Variants in DCTPP1 observed in about 807,000 individuals in gnomAD.
DCTPP1 encodes the protein XTP3-transactivated gene A protein.
In DCTPP1, 8 loss-of-function variants were observed where a neutral mutation model predicts 8.8. The ratio of observed to expected loss-of-function variants is 0.91; its 90% CI spans 0.54 to 1.64. The LOEUF (loss-of-function observed/expected upper bound fraction) is 1.64, where lower values mean the gene tolerates loss of function less well. Among genes scored for constraint, DCTPP1 ranks in the 40% most tolerant of loss-of-function variants. The pLI is 0.00. For synonymous variants in DCTPP1, 85 were observed against 92.1 expected, an observed-to-expected ratio of 0.92 and a Z score of 0.44; for missense variants, 231 against 230.4, an observed-to-expected ratio of 1.00 and a Z score of -0.02.
chr16:30,428,686 A>C (rs550015796), intron 2 of DCTPP1, among the ~76,000 whole-genome samples: 96 of 152,270 alleles, frequency 6.3e-4, no homozygotes, highest in African/African-American at 1.9e-3. Context: ...AGAACTGCTT[A>C]AACCCAGGAG....
At chr16:30,429,455 C>T (rs958952589) in intron 1 of DCTPP1, 1 of 417,040 alleles carries the variant, frequency 2.4e-6, no homozygotes, top group Non-Finnish European at 4.3e-6. Context: ...CACCTGGAAT[C>T]GCCGCACATC....
rs2050178540 is a variant in DCTPP1, at chr16:30,424,140, T to C, written c.*93A>G. 6.9e-7 allele frequency: 1 copy of C among 1,449,638 alleles called. No individual in the cohort carries two copies. Among genetic ancestry groups the C allele is most frequent in the Non-Finnish European group, 9.2e-7 (1 of 1,085,276 alleles). 89.8% of individuals were successfully genotyped at this position (1,449,638 alleles called of 1,614,324 possible). ...AGAAGTGGAGGCCTCAGGCCCATGATCTATTCTGAAAAGACTAGAAAAAGG... is the reference window on the plus strand; with the variant it reads ...AGAAGTGGAGGCCTCAGGCCCATGACCTATTCTGAAAAGACTAGAAAAAGG... On this transcript the variant is annotated 3_prime_UTR_variant, in exon 3 of 3. Coordinates refer to ENST00000319285, the MANE Select transcript of DCTPP1 (RefSeq NM_024096.2).
At chr16:30,426,463 C>T (rs2050193420) in intron 2 of DCTPP1, among the ~76,000 whole-genome samples, 1 of 143,430 alleles carries the variant, frequency 7.0e-6, no homozygotes, top group Non-Finnish European at 1.5e-5. Context: ...GTGTGAGCCA[C>T]AGCACCTGGC....
At chr16:30,428,391 C>G (rs1404965931) in intron 2 of DCTPP1, among the ~76,000 whole-genome samples, 1 of 152,228 alleles carries the variant, frequency 6.6e-6, no homozygotes, top group Non-Finnish European at 1.5e-5. Flanking sequence ...TGCCTCACTG[C>G]CCCTGCAAAT....
chr16:30,427,212 G>A (rs369446734), intron 2 of DCTPP1, among the ~76,000 whole-genome samples: 56 of 147,104 alleles, frequency 3.8e-4, no homozygotes, highest in African/African-American at 1.2e-3. Context: ...GGGTTTCACC[G>A]TGTTAGCCAG....
chr16:30,425,790 C>T (rs1441390773), intron 2 of DCTPP1, among the ~76,000 whole-genome samples: 1 of 152,216 alleles, frequency 6.6e-6, no homozygotes, highest in African/African-American at 2.4e-5. Context: ...ACACTCCAGC[C>T]TTGGTAACAG....
chr16:30,426,357 A>C (rs2050192798), intron 2 of DCTPP1, among the ~76,000 whole-genome samples: 1 of 149,612 alleles, frequency 6.7e-6, no homozygotes, highest in Non-Finnish European at 1.5e-5. Flanking sequence ...TTGTATTTTT[A>C]GTAGAGATGG....
At chr16:30,427,646 T>C (rs1451282245) in intron 2 of DCTPP1, among the ~76,000 whole-genome samples, 1 of 152,214 alleles carries the variant, frequency 6.6e-6, no homozygotes, top group Non-Finnish European at 1.5e-5. Flanking sequence ...CTTTCTGCCT[T>C]GTTCCAGGCC....
intron 2 of DCTPP1, 43 bp from the exon 3 acceptor site, chr16:30,424,576 G>A (rs1216711038): frequency 1.9e-6 from 3 of 1,592,324 alleles, no homozygotes; most frequent in African/African-American, 2.7e-5. Flanking sequence ...GATGTAACCT[G>A]GGGCAATGGG....
chr16:30,427,432 C>A (rs559882084), intron 2 of DCTPP1, among the ~76,000 whole-genome samples: 4 of 151,844 alleles, frequency 2.6e-5, no homozygotes, highest in African/African-American at 9.7e-5. Context: ...TGTGCCTCAG[C>A]CTCCTGAGTA....
At chr16:30,425,371 C>G (rs2050187427) in intron 2 of DCTPP1, among the ~76,000 whole-genome samples, 1 of 151,950 alleles carries the variant, frequency 6.6e-6, no homozygotes, top group Admixed American at 6.6e-5. Context: ...CACCTATAAT[C>G]CCAGGTACTC....
In DCTPP1 at chr16:30,428,769, A is replaced by G. The variant is rs1597038730; in HGVS notation, c.212+288T>C. ...GCGACAGAGCGAGACCCCGTCTCAA[A>G]AAAAAGCCAAAAAAACAAAAAACAA... On this transcript the variant is annotated intron_variant, in intron 2 of 2. Transcript: ENST00000319285. 7.2e-6 allele frequency: 3 copies of G among 418,042 alleles called. No homozygotes were observed. In the East Asian group the frequency reaches 1.1e-4, roughly 15 times the overall value. The allele number at this position is 418,042 out of a possible 1,614,324, so 25.9% of individuals were successfully genotyped here.
rs1165933243 is a variant in DCTPP1, at chr16:30,429,901, G to C, written c.80C>G (p.Pro27Arg). ...TTACATGTCCTCGAGCGTGGGCTCC[G>C]GGCTGAAGCTGAACCGGCCGGGAGC... ...TAAPGRFSFS[P>R]EPTLEDIRRL... The change falls in exon 1 of 3, where the codon CCG (proline) becomes CGG (arginine). Residue 27 changes from proline to arginine, a missense_variant. By Grantham distance (103) the Pro-to-Arg change is moderately radical. Coordinates refer to ENST00000319285, the MANE Select transcript of DCTPP1 (RefSeq NM_024096.2). The C allele has an allele frequency of 1.9e-6, 3 of 1,595,966 alleles. No homozygotes were observed. Among genetic ancestry groups the C allele is most frequent in the Middle Eastern group, 1.7e-4 (1 of 6,016 alleles).
At chr16:30,428,951 C>A in intron 2 of DCTPP1, 106 bp downstream of exon 2, 2 of 1,205,852 alleles carry the variant, frequency 1.7e-6, no homozygotes, top group Non-Finnish European at 1.2e-6. Flanking sequence ...AAGAGCCTAG[C>A]AATCAGGAGG....
Position 30,429,920 on chromosome 16 carries a change from C to G in DCTPP1, c.61G>C (p.Gly21Arg). The change falls in exon 1 of 3, where the codon GGC becomes CGC. Residue 21 changes from glycine (G) to arginine (R), a missense_variant. Gly to Arg is a moderately radical substitution (Grantham distance 125). Coordinates refer to ENST00000319285, the MANE Select transcript of DCTPP1 (RefSeq NM_024096.2). ...GGCTCCGGGCTGAAGCTGAACCGGC[C>G]GGGAGCAGCAGTGTCCTCTCCCCCC... ...DTGGEDTAAP[G>R]RFSFSPEPTL... is the part of the protein sequence containing the mutation. 1.9e-6 allele frequency: 3 copies of G among 1,594,444 alleles called. No individual in the cohort carries two copies. Among genetic ancestry groups the G allele is most frequent in the Non-Finnish European group, 2.6e-6 (3 of 1,171,318 alleles).
rs148153979 is a variant in DCTPP1 at position 30,424,324 on chromosome 16, T to A, written c.422A>T (p.Tyr141Phe). The change falls in exon 3 of 3, where the codon TAT becomes TTT. Residue 141 changes from tyrosine (Y) to phenylalanine (F), a missense_variant. Tyr to Phe is a conservative substitution (Grantham distance 22). Coordinates refer to ENST00000319285, the MANE Select transcript of DCTPP1 (RefSeq NM_024096.2). ...GATGGCCCCATGGGGCAATTCTGTA[T>A]ACTTGCGGGAAGAGCTGCGGGCCAG... ...AHLARSSSRK[Y>F]TELPHGAISE... 367 of 1,614,114 alleles carry A rather than the reference T, an allele frequency of 2.3e-4. No individual in the cohort carries two copies. The highest frequency in any genetic ancestry group is 3.0e-4 in the Non-Finnish European group (354 of 1,180,052).
At chr16:30,428,910 C>T (rs1485263496) in intron 2 of DCTPP1, 147 bp downstream of exon 2, 7 of 791,428 alleles carry the variant, frequency 8.8e-6, no homozygotes, top group Admixed American at 3.0e-5. Context: ...GGCAGGGACC[C>T]GTGAGTCCTC....
At position 30,429,167 on chromosome 16, in the gene DCTPP1, G is replaced by T; in HGVS notation, c.102C>A (p.Ile34=). Residue 34 remains isoleucine, a splice_region_variant and synonymous_variant, in exon 2 of 3, where the codon ATC becomes ATA. Coordinates refer to ENST00000319285, the MANE Select transcript of DCTPP1 (RefSeq NM_024096.2). ...CAGCAAACTCAGCATGGAGGCGGCG[G>T]CTGAAATAGGACAAAGGAGTGTAAG... ...SFSPEPTLED[I]RRLHAEFAAE... 1 of 1,614,032 alleles carries T rather than the reference G, an allele frequency of 6.2e-7. No homozygotes were observed. The highest frequency in any genetic ancestry group is 8.5e-7 in the Non-Finnish European group (1 of 1,179,988).
At chr16:30,426,397 G>A (rs183316796) in intron 2 of DCTPP1, among the ~76,000 whole-genome samples, 120 of 150,746 alleles carry the variant, frequency 8.0e-4, no homozygotes, top group Admixed American at 4.7e-3. Context: ...GGATGGTCTC[G>A]ATCTCCTGAC....
Sources: gnomAD v4.1 joint callset for allele counts (sites outside exome capture counted in the v4.1 genomes callset) on GRCh38, gnomAD v4.1.1 for gene constraint, MANE v1.5 for transcripts, NCBI Gene and HGNC (gene_info 2026-07-23, HGNC 2026-07-21) for gene names.